Variants in CNTLN observed in about 807,000 individuals in gnomAD.
CNTLN encodes centlein.
CNTLN carries 212 observed loss-of-function variants against 180.0 expected under a neutral mutation model. The ratio of observed to expected loss-of-function variants is 1.18; its 90% CI spans 1.05 to 1.32. The LOEUF (loss-of-function observed/expected upper bound fraction) is 1.32, where lower values mean the gene tolerates loss of function less well. Among genes scored for constraint, CNTLN ranks in the 40% most tolerant of loss-of-function variants. The pLI, the probability that CNTLN is intolerant of heterozygous loss-of-function variation, is 0.00. For missense variants in CNTLN, 2,095 were observed against 1,610.9 expected, an observed-to-expected ratio of 1.30 and a Z score of -5.14; for synonymous variants, 722 against 563.1, an observed-to-expected ratio of 1.28 and a Z score of -3.99.
chr9:17,441,080 TA>T (rs1392666010), intron 18 of CNTLN, among the ~76,000 whole-genome samples: 2 of 152,100 alleles, frequency 1.3e-5, no homozygotes, highest in Admixed American at 6.5e-5. Context: ...CTTTAAAAGA[TA>T]AAAACGTGCC....
chr9:17,256,317 A>G (rs1319164248), intron 5 of CNTLN, among the ~76,000 whole-genome samples: 1 of 151,922 alleles, frequency 6.6e-6, no homozygotes, highest in African/African-American at 2.4e-5. Context: ...TTTTATTTTT[A>G]GCTCTTTGAG....
chr9:17,212,883 G>C (rs866891782), intron 2 of CNTLN, among the ~76,000 whole-genome samples: 1 of 152,136 alleles, frequency 6.6e-6, no homozygotes, highest in South Asian at 2.1e-4. Flanking sequence ...TTGTATTTCT[G>C]TGGGATCGGT....
intron 2 of CNTLN, among the ~76,000 whole-genome samples, chr9:17,163,449 C>A (rs1157209902): frequency 6.6e-6 from 1 of 152,176 alleles, no homozygotes; most frequent in African/African-American, 2.4e-5. Flanking sequence ...ATTGGCAAAT[C>A]ATGCATAGAT....
chr9:17,470,518 G>A (rs1055666859), intron 23 of CNTLN, among the ~76,000 whole-genome samples: 1 of 151,924 alleles, frequency 6.6e-6, no homozygotes, highest in Non-Finnish European at 1.5e-5. Flanking sequence ...TTATGGTAGA[G>A]GTGGAGTGGC....
chr9:17,466,847 C>T lies in CNTLN; in HGVS notation c.3811C>T (p.Leu1271=). 1.9e-6 allele frequency: 3 copies of T among 1,610,018 alleles called. No homozygotes were observed. The highest frequency in any genetic ancestry group is 1.7e-4 in the Middle Eastern group (1 of 6,040). The change falls in exon 23 of 26, where the codon CTG becomes TTG. Residue 1271 remains leucine (L), a synonymous_variant. Transcript: ENST00000380647. ...CCTAGAAGGTGCACAGAAGACATTGCTGTTAGCCAATGAAAAAGTAGAAGA... is the reference window on the plus strand; with the variant it reads ...CCTAGAAGGTGCACAGAAGACATTGTTGTTAGCCAATGAAAAAGTAGAAGA... ...QVLEGAQKTL[L]LANEKVEEFT...
At chr9:17,195,332 G>A (rs1196399377) in intron 2 of CNTLN, among the ~76,000 whole-genome samples, 1 of 152,168 alleles carries the variant, frequency 6.6e-6, no homozygotes, top group Non-Finnish European at 1.5e-5. Flanking sequence ...AATTTGACCT[G>A]TAATATTGCT....
At chr9:17,441,796 C>T (rs1338020959) in intron 18 of CNTLN, among the ~76,000 whole-genome samples, 3 of 152,076 alleles carry the variant, frequency 2.0e-5, no homozygotes, top group African/African-American at 7.2e-5. Flanking sequence ...TATATCCTGT[C>T]TCTATGAGAC....
chr9:17,363,672 G>A (rs960570939), intron 12 of CNTLN, among the ~76,000 whole-genome samples: 23 of 151,726 alleles, frequency 1.5e-4, no homozygotes, highest in Admixed American at 2.6e-4. Flanking sequence ...TTTAACTATG[G>A]TATCTTTGAT....
chr9:17,450,313 AG>A (rs1830709252), intron 18 of CNTLN, among the ~76,000 whole-genome samples: 1 of 152,272 alleles, frequency 6.6e-6, no homozygotes, highest in East Asian at 1.9e-4. Flanking sequence ...TCATGAAAAG[AG>A]TTTTTTTTTC....
At chr9:17,519,246 T>C in the CNTLN span, among the ~76,000 whole-genome samples, 8 of 30,524 alleles carry the variant, frequency 2.6e-4, no homozygotes, top group African/African-American at 3.2e-4. Context: ...ATTTGAGTGT[T>C]TTTTTTTTTT....
chr9:17,280,907 T>G (rs1421881254), intron 6 of CNTLN, among the ~76,000 whole-genome samples: 1 of 152,196 alleles, frequency 6.6e-6, no homozygotes, highest in African/African-American at 2.4e-5. Context: ...GGTAGGCTGA[T>G]GTAGCAATTA....
chr9:17,269,558 C>T (rs2132474487), intron 5 of CNTLN, among the ~76,000 whole-genome samples: 1 of 152,116 alleles, frequency 6.6e-6, no homozygotes, highest in South Asian at 2.1e-4. Context: ...GCTTAATTTC[C>T]ATGTGGATGA....
intron 13 of CNTLN, among the ~76,000 whole-genome samples, chr9:17,373,362 C>CT (rs1403619602): frequency 6.6e-6 from 1 of 151,992 alleles, no homozygotes; most frequent in Non-Finnish European, 1.5e-5. Flanking sequence ...ATCAAGAAAG[C>CT]TAATTCCATT....
rs541107449 is a variant in CNTLN, at chr9:17,354,794, A to G, written c.1887-11823A>G. 4.9e-4 allele frequency among the ~76,000 whole-genome samples: 74 copies of G among 152,132 alleles called. 1 individual carries two copies. The highest frequency in any genetic ancestry group is 4.5e-3 in the East Asian group (23 of 5,124). On this transcript the variant is annotated intron_variant, in intron 12 of 25. Transcript: ENST00000380647. ...GCAACCCGCTCCAGTCCCCTTCCAC[A>G]CTGTGGAAGCTTTGTTCTTTCGCTC...
At chr9:17,439,966 TTTA>T (rs1171012497) in intron 18 of CNTLN, among the ~76,000 whole-genome samples, 1 of 152,168 alleles carries the variant, frequency 6.6e-6, no homozygotes, top group Non-Finnish European at 1.5e-5. Context: ...TCTATGATAA[TTTA>T]TTATAGCAGC....
chr9:17,497,960 A>G (rs1833545652), intron 25 of CNTLN, among the ~76,000 whole-genome samples: 2 of 152,148 alleles, frequency 1.3e-5, no homozygotes, highest in African/African-American at 2.4e-5. Flanking sequence ...ACATTATCGT[A>G]TCTTACTAAG....
chr9:17,291,146 G>C (rs989028050), intron 6 of CNTLN, among the ~76,000 whole-genome samples: 1 of 152,162 alleles, frequency 6.6e-6, no homozygotes, highest in Non-Finnish European at 1.5e-5. Flanking sequence ...GTTATAATTT[G>C]ATTGCGCTGT....
At position 17,490,367 on chromosome 9, in the gene CNTLN, A is replaced by G. The variant is rs529365438; in HGVS notation, c.4119+3301A>G. On this transcript the variant is annotated intron_variant, in intron 25 of 25. Transcript: ENST00000380647. The stretch of plus-strand genomic sequence containing the variant: ...GATTAGATGAAAGGGGTCTGGGTGG[A>G]AACCAAAAGATGGGTGAGTTTAATA... Among the ~76,000 whole-genome samples the G allele has an allele frequency of 1.4e-4, 22 of 152,218 alleles. No homozygotes were observed. The South Asian group carries it at 4.1e-3, about 29-fold the overall frequency.
chr9:17,237,805 C>A (rs1261767805), intron 5 of CNTLN, among the ~76,000 whole-genome samples: 5 of 151,930 alleles, frequency 3.3e-5, no homozygotes, highest in Non-Finnish European at 7.4e-5. Flanking sequence ...AAGGATACAT[C>A]TTTCTCGGTG....
Sources: allele counts gnomAD v4.1 joint callset (sites outside exome capture counted in the v4.1 genomes callset), GRCh38; gene constraint gnomAD v4.1.1; transcripts MANE v1.5; gene names NCBI Gene and HGNC (gene_info 2026-07-23, HGNC 2026-07-21).